Variants in THSD7B observed in about 807,000 individuals in gnomAD.
THSD7B encodes thrombospondin type-1 domain-containing protein 7B.
In THSD7B, 138 loss-of-function variants were observed where a neutral mutation model predicts 213.6. The observed-to-expected ratio is 0.65, with a 90% CI of 0.56 to 0.74. THSD7B has a LOEUF of 0.74. THSD7B is among the 30% of genes least tolerant of loss of function. The pLI, the probability that THSD7B is intolerant of heterozygous loss-of-function variation, is 0.00. For missense variants in THSD7B, 1,931 were observed against 1,991.5 expected, an observed-to-expected ratio of 0.97 and a Z score of 0.58; for synonymous variants, 742 against 687.0, an observed-to-expected ratio of 1.08 and a Z score of -1.25.
intron 27 of THSD7B, among the ~76,000 whole-genome samples, chr2:137,669,756 T>C (rs1268108201): frequency 1.3e-5 from 2 of 152,228 alleles, no homozygotes; most frequent in East Asian, 1.9e-4. Context: ...CTAGATTCTA[T>C]GGTTCCCATT....
At chr2:136,939,489 C>T (rs1200232627) in intron 2 of THSD7B, among the ~76,000 whole-genome samples, 2 of 152,094 alleles carry the variant, frequency 1.3e-5, no homozygotes, top group Non-Finnish European at 2.9e-5. Context: ...CTTTTATCAC[C>T]TTATGCCCCA....
At chr2:137,151,603 AC>A (rs1384258756) in intron 5 of THSD7B, among the ~76,000 whole-genome samples, 6 of 152,306 alleles carry the variant, frequency 3.9e-5, no homozygotes, top group Non-Finnish European at 5.9e-5. Context: ...AGGCTGTTTT[AC>A]AGTTAATTAC....
intron 10 of THSD7B, among the ~76,000 whole-genome samples, chr2:137,250,753 G>A (rs1207251652): frequency 6.6e-6 from 1 of 152,168 alleles, no homozygotes; most frequent in Non-Finnish European, 1.5e-5. Flanking sequence ...GAATAAAGAT[G>A]CAGTCACAAA....
chr2:137,487,385 A>AC (rs1688479962), intron 15 of THSD7B, among the ~76,000 whole-genome samples: 2 of 131,584 alleles, frequency 1.5e-5, no homozygotes, highest in South Asian at 2.4e-4. Flanking sequence ...AAAAAAAAAA[A>AC]AAAAAAAAAA....
chr2:137,633,759 G>T (rs1682784067), intron 20 of THSD7B, among the ~76,000 whole-genome samples: 1 of 152,094 alleles, frequency 6.6e-6, no homozygotes. Flanking sequence ...AGTGAAGAAA[G>T]CAGGATAAGG....
At chr2:137,623,399 T>C (rs1318354674) in intron 20 of THSD7B, among the ~76,000 whole-genome samples, 1 of 152,158 alleles carries the variant, frequency 6.6e-6, no homozygotes, top group African/African-American at 2.4e-5. Context: ...ACTGGAAGCA[T>C]TCCCTTTGAA....
intron 27 of THSD7B, among the ~76,000 whole-genome samples, chr2:137,671,127 T>A (rs1164686041): frequency 6.6e-6 from 1 of 151,954 alleles, no homozygotes; most frequent in African/African-American, 2.4e-5. Flanking sequence ...CTTCTTTGGA[T>A]CTCTTTGTGC....
At chr2:137,209,721 G>T (rs995812253) in intron 7 of THSD7B, among the ~76,000 whole-genome samples, 1 of 151,552 alleles carries the variant, frequency 6.6e-6, no homozygotes, top group African/African-American at 2.4e-5. Context: ...AAGTTACCAC[G>T]TATTATCTAA....
At chr2:137,126,988 G>A (rs1045971195) in intron 5 of THSD7B, among the ~76,000 whole-genome samples, 1 of 152,116 alleles carries the variant, frequency 6.6e-6, no homozygotes, top group African/African-American at 2.4e-5. Flanking sequence ...CCATGGATGG[G>A]TGTGGTTCCT....
At chr2:137,504,838 A>G (rs989667747) in intron 15 of THSD7B, among the ~76,000 whole-genome samples, 1 of 152,230 alleles carries the variant, frequency 6.6e-6, no homozygotes, top group African/African-American at 2.4e-5. Context: ...CAGGCTGTCC[A>G]ATAGGCAGAC....
chr2:136,897,041 G>T (rs754470904), intron 2 of THSD7B, among the ~76,000 whole-genome samples: 1 of 151,750 alleles, frequency 6.6e-6, no homozygotes, highest in Non-Finnish European at 1.5e-5. Flanking sequence ...AATCTCCTAG[G>T]CTCAAGCAAT....
chr2:137,573,514 A>G (rs990940617), intron 17 of THSD7B, among the ~76,000 whole-genome samples: 1 of 151,952 alleles, frequency 6.6e-6, no homozygotes, highest in Non-Finnish European at 1.5e-5. Flanking sequence ...TTATTTGTTG[A>G]GTTGTTTTTA....
At chr2:137,263,029 G>A (rs957874379) in intron 10 of THSD7B, among the ~76,000 whole-genome samples, 10 of 152,128 alleles carry the variant, frequency 6.6e-5, no homozygotes, top group Non-Finnish European at 1.3e-4. Flanking sequence ...CTAAATTGGG[G>A]ATGTTTTAAG....
chr2:137,267,914 G>C (rs999246630), intron 10 of THSD7B, among the ~76,000 whole-genome samples: 2 of 152,180 alleles, frequency 1.3e-5, no homozygotes, highest in Admixed American at 1.3e-4. Flanking sequence ...AAAAGGAGGT[G>C]TTGTTTGACA....
intron 7 of THSD7B, among the ~76,000 whole-genome samples, chr2:137,216,768 A>C (rs2105040109): frequency 6.6e-6 from 1 of 152,288 alleles, no homozygotes; most frequent in South Asian, 2.1e-4. Flanking sequence ...TGATCTCCAC[A>C]AACTTGAATA....
chr2:137,665,411 CATAT>C (rs1297737195), intron 26 of THSD7B, among the ~76,000 whole-genome samples: 1 of 151,886 alleles, frequency 6.6e-6, no homozygotes. Flanking sequence ...TGTATTCACA[CATAT>C]ATGTATATTG....
intron 2 of THSD7B, among the ~76,000 whole-genome samples, chr2:137,043,261 A>G (rs1686914011): frequency 1.3e-5 from 2 of 152,190 alleles, no homozygotes; most frequent in African/African-American, 4.8e-5. Context: ...ATTTCCTCTG[A>G]AAAGTTCACC....
At chr2:137,173,616 T>G (rs12105849) in intron 7 of THSD7B, among the ~76,000 whole-genome samples, 10,603 of 152,292 alleles carry the variant, frequency 0.07, 394 homozygotes, top group African/African-American at 0.094. Flanking sequence ...TGAAGTCTTT[T>G]TGGTTTTTAA....
intron 3 of THSD7B, among the ~76,000 whole-genome samples, chr2:137,091,524 C>T (rs376401520): frequency 5.0e-5 from 6 of 119,588 alleles, no homozygotes; most frequent in Non-Finnish European, 8.7e-5. Context: ...TTATTTTATT[C>T]ATTCATTCAT....
Sources: gnomAD v4.1 joint callset for allele counts (sites outside exome capture counted in the v4.1 genomes callset) on GRCh38, gnomAD v4.1.1 for gene constraint, MANE v1.5 for transcripts, NCBI Gene and HGNC (gene_info 2026-07-23, HGNC 2026-07-21) for gene names.